Variants in BRWD1 observed in about 807,000 individuals in gnomAD.
The protein encoded by BRWD1 is bromodomain and WD repeat-containing protein 1.
In BRWD1, 82 loss-of-function variants were observed where a neutral mutation model predicts 251.2. The observed-to-expected ratio is 0.33, with a 90% confidence interval of 0.27 to 0.39. The LOEUF is 0.39. Ranked by LOEUF, BRWD1 falls within the 10% of genes least tolerant of loss-of-function variation. BRWD1 has a pLI of 1.00. For synonymous variants in BRWD1, 918 were observed against 902.8 expected (o/e 1.02, Z -0.30); for missense variants, 2,233 against 2,711.6 (o/e 0.82, Z 3.92).
At chr21:39,236,045 C>T (rs1275280839) in intron 23 of BRWD1, 1 of 194,046 alleles carries the variant, frequency 5.2e-6, no homozygotes, top group East Asian at 1.2e-4. Context: ...GCCCTCTGAC[C>T]AGACCTGCAC....
chr21:39,280,075 A>T, intron 9 of BRWD1, 73 bp downstream of exon 9: 3 of 1,143,034 alleles, frequency 2.6e-6, no homozygotes, highest in Non-Finnish European at 3.7e-6. Context: ...CATAACAATA[A>T]AACTTCATTT....
In BRWD1 at chr21:39,255,749, A is replaced by T. The variant is rs927413668; in HGVS notation, c.2151T>A (p.Arg717=). 5.0e-6 allele frequency: 8 copies of T among 1,614,026 alleles called. No homozygotes were observed. The highest frequency in any genetic ancestry group is 6.8e-6 in the Non-Finnish European group (8 of 1,180,018). ...LRRSGQVEGV[R]QMHQNAPRSQ... is the part of the protein sequence containing the mutation. ...TGCGTGGAGCGTTTTGATGCATCTG[A>T]CGAACACCTTCAACTTGTCCACTAC... is the stretch of plus-strand genomic sequence containing the variant. The change falls in exon 19 of 41, where the codon CGT becomes CGA. Residue 717 remains arginine, a synonymous_variant. Coordinates refer to ENST00000342449, the MANE Select transcript of BRWD1 (RefSeq NM_033656.4).
chr21:39,274,460 A>T lies in BRWD1; in HGVS notation c.1158T>A (p.Gly386=). 6.2e-7 allele frequency: 1 copy of T among 1,613,604 alleles called. No individual in the cohort carries two copies. The highest frequency in any genetic ancestry group is 8.5e-7 in the Non-Finnish European group (1 of 1,179,666). ...AAATCCGTGCTGTTCCATCTCTGCT[A>T]CCACTTAGGAACCTTAAAACATTCA... ...FCNNGDRFLS[G]SRDGTARIWR... is the part of the protein sequence containing the mutation. The change falls in exon 13 of 41, where the codon GGT becomes GGA. Residue 386 remains glycine (G), a synonymous_variant. Transcript: ENST00000342449.
chr21:39,189,404 CTAG>C lies in BRWD1; in HGVS notation c.*6852_*6854del, dbSNP rs1909180846. 1 of 970,194 alleles carries C rather than the reference CTAG, an allele frequency of 1.0e-6. No individual in the cohort carries two copies. The highest frequency in any genetic ancestry group is 1.2e-6 in the Non-Finnish European group (1 of 816,490). The allele number at this position is 970,194 out of a possible 1,614,324, so 60.1% of individuals were successfully genotyped here. ...GTACCTATACTGACAATTTAGGAAC[CTAG>C]TAAATACTAATTCTAACACATTTTA... On this transcript the variant is annotated 3_prime_UTR_variant, in exon 41 of 41. Coordinates refer to ENST00000342449, the MANE Select transcript of BRWD1 (RefSeq NM_033656.4).
rs2031392463 is a variant in BRWD1 at position 39,188,859 on chromosome 21, G to A, written c.*7400C>T. ...TCCAGTGAAATTCTAAGGGCACTAT[G>A]TTTTGTTCAGTGTTCAGTCTCCAGG... is the stretch of plus-strand genomic sequence containing the variant. On this transcript the variant is annotated 3_prime_UTR_variant, in exon 41 of 41. Transcript: ENST00000342449. 1 of 985,406 alleles carries A rather than the reference G, an allele frequency of 1.0e-6. No homozygotes were observed. The highest frequency in any genetic ancestry group is 4.7e-5 in the South Asian group (1 of 21,290). The allele number at this position is 985,406 out of a possible 1,614,324, so 61.0% of individuals were successfully genotyped here.
intron 9 of BRWD1, among the ~76,000 whole-genome samples, chr21:39,279,341 G>C (rs570843841): frequency 6.6e-6 from 1 of 152,132 alleles, no homozygotes; most frequent in African/African-American, 2.4e-5. Flanking sequence ...TTCAAGATAT[G>C]CTTAATTTTC....
At chr21:39,285,844 G>C (rs1158139032) in intron 8 of BRWD1, among the ~76,000 whole-genome samples, 3 of 146,000 alleles carry the variant, frequency 2.1e-5, no homozygotes, top group Non-Finnish European at 4.5e-5. Flanking sequence ...GGAGGGTGAG[G>C]GGGGAGCATC....
In BRWD1 at chr21:39,195,742, GAA is replaced by G. The variant is rs35266341; in HGVS notation, c.*515_*516del. On this transcript the variant is annotated 3_prime_UTR_variant, in exon 41 of 41. Coordinates refer to ENST00000342449, the MANE Select transcript of BRWD1 (RefSeq NM_033656.4). Reference sequence around the variant, plus strand: ...CATTCTACTCAAGTAGCCAGGGGAAGAAAAAAAAAAAAGTGGTAGGTACCTCG... The same window carrying G: ...CATTCTACTCAAGTAGCCAGGGGAAGAAAAAAAAAAGTGGTAGGTACCTCG... The G allele has an allele frequency of 1.2e-3, 1,020 of 847,586 alleles. No homozygotes were observed. Among genetic ancestry groups the G allele is most frequent in the East Asian group, 3.2e-3 (26 of 8,100 alleles). The allele number at this position is 847,586 out of a possible 1,614,324, so 52.5% of individuals were successfully genotyped here.
intron 36 of BRWD1, among the ~76,000 whole-genome samples, chr21:39,207,651 G>C (rs945223392): frequency 6.6e-6 from 1 of 152,100 alleles, no homozygotes; most frequent in Non-Finnish European, 1.5e-5. Context: ...TCTACTCTTA[G>C]GTCTATACCC....
At chr21:39,309,307 C>G (rs1215854035) in intron 4 of BRWD1, among the ~76,000 whole-genome samples, 1 of 151,442 alleles carries the variant, frequency 6.6e-6, no homozygotes, top group African/African-American at 2.4e-5. Context: ...AAAACTTAGC[C>G]AGGTGTGGTG....
chr21:39,282,184 A>C (rs2035489962), intron 8 of BRWD1, among the ~76,000 whole-genome samples: 1 of 152,152 alleles, frequency 6.6e-6, no homozygotes, highest in Non-Finnish European at 1.5e-5. Flanking sequence ...CTGAGGTTGC[A>C]AAGAGCCAAG....
chr21:39,204,829 C>T (rs1293227005), intron 37 of BRWD1, among the ~76,000 whole-genome samples: 1 of 152,130 alleles, frequency 6.6e-6, no homozygotes, highest in African/African-American at 2.4e-5. Flanking sequence ...GGTTCCTGCT[C>T]CTATGAAAAT....
At chr21:39,226,874 A>G (rs1324127245) in intron 27 of BRWD1, among the ~76,000 whole-genome samples, 1 of 152,148 alleles carries the variant, frequency 6.6e-6, no homozygotes, top group East Asian at 1.9e-4. Context: ...TGTAATTCCT[A>G]CACTTTAGGC....
At chr21:39,205,727 T>G (rs2032355338) in intron 37 of BRWD1, among the ~76,000 whole-genome samples, 1 of 151,550 alleles carries the variant, frequency 6.6e-6, no homozygotes, top group Non-Finnish European at 1.5e-5. Context: ...GCCAAGATCA[T>G]GCCACTGCAC....
At chr21:39,224,663 T>C (rs962655802) in intron 28 of BRWD1, among the ~76,000 whole-genome samples, 194 bp from the exon 29 acceptor site, 1 of 152,204 alleles carries the variant, frequency 6.6e-6, no homozygotes, top group Non-Finnish European at 1.5e-5. Context: ...AGAAATCCTA[T>C]GTGGCCTGCA....
At chr21:39,249,931 T>C (rs2034338159) in intron 20 of BRWD1, among the ~76,000 whole-genome samples, 1 of 137,852 alleles carries the variant, frequency 7.3e-6, no homozygotes, top group Non-Finnish European at 1.6e-5. Flanking sequence ...TGTGTGTGTG[T>C]GTGTGTGTGT....
intron 22 of BRWD1, among the ~76,000 whole-genome samples, chr21:39,237,478 C>T (rs1388446431): frequency 6.6e-6 from 1 of 152,130 alleles, no homozygotes; most frequent in Non-Finnish European, 1.5e-5. Flanking sequence ...CAACCACACA[C>T]CTTTTCGTCT....
intron 38 of BRWD1, among the ~76,000 whole-genome samples, chr21:39,201,175 A>G (rs2032091325): frequency 6.6e-6 from 1 of 152,162 alleles, no homozygotes; most frequent in Non-Finnish European, 1.5e-5. Context: ...GCTACACGAG[A>G]GAAAGAGTGT....
chr21:39,264,844 A>T, intron 16 of BRWD1, 47 bp downstream of exon 16: 1 of 1,593,062 alleles, frequency 6.3e-7, no homozygotes, highest in Non-Finnish European at 8.5e-7. Flanking sequence ...TCCAAAACAC[A>T]GCTGATAACT....
Sources: gnomAD v4.1 joint callset for allele counts (sites outside exome capture counted in the v4.1 genomes callset) on GRCh38, gnomAD v4.1.1 for gene constraint, MANE v1.5 for transcripts, NCBI Gene and HGNC (gene_info 2026-07-23, HGNC 2026-07-21) for gene names.